Variants in MLIP observed in about 807,000 individuals in gnomAD.
MLIP encodes the protein muscular LMNA-interacting protein.
A neutral mutation model predicts 84.8 loss-of-function variants in MLIP; 79 were observed. The observed-to-expected ratio is 0.93, with a 90% CI of 0.78 to 1.12. The LOEUF (loss-of-function observed/expected upper bound fraction) is 1.12, where lower values mean the gene tolerates loss of function less well. Among genes scored for constraint, MLIP ranks in the 50% most tolerant of loss-of-function variants. MLIP has a pLI of 0.00. For synonymous variants in MLIP, 504 were observed against 463.0 expected (o/e 1.09, Z -1.14); for missense variants, 1,257 against 1,160.6 (o/e 1.08, Z -1.21).
intron 4 of MLIP, among the ~76,000 whole-genome samples, chr6:54,143,387 G>C (rs1444810215): frequency 6.6e-6 from 1 of 152,006 alleles, no homozygotes. Context: ...TGTATTTTTA[G>C]TAGAGACGGG....
At chr6:54,258,840 A>G (rs1188619680) in intron 13 of MLIP, among the ~76,000 whole-genome samples, 1 of 152,012 alleles carries the variant, frequency 6.6e-6, no homozygotes, top group African/African-American at 2.4e-5. Context: ...CCACAATCAG[A>G]AATTGAATCC....
rs778643175 is a variant in MLIP, at chr6:54,083,621, G to A, written c.64-37826G>A. ...TACCTTGGATTTGAATGTTCTGTGAGTTCTATGACATTATTAGTACAATTC... is the reference window on the plus strand; with the variant it reads ...TACCTTGGATTTGAATGTTCTGTGAATTCTATGACATTATTAGTACAATTC... On this transcript the variant is annotated intron_variant, in intron 1 of 12. Transcript: ENST00000274897. 8 of 1,535,972 alleles carry A rather than the reference G, an allele frequency of 5.2e-6. No homozygotes were observed. The South Asian group carries it at 9.5e-5, about 18-fold the overall frequency.
At chr6:54,096,592 A>G (rs1419544353) in intron 1 of MLIP, among the ~76,000 whole-genome samples, 1 of 152,094 alleles carries the variant, frequency 6.6e-6, no homozygotes, top group Admixed American at 6.5e-5. Context: ...AGCACTTCCT[A>G]ATACCAAGTG....
intron 1 of MLIP, among the ~76,000 whole-genome samples, chr6:54,040,448 C>CACTT (rs1764679470): frequency 6.6e-6 from 1 of 152,088 alleles, no homozygotes; most frequent in African/African-American, 2.4e-5. Flanking sequence ...AAAAAGGGAA[C>CACTT]ACTTACACAG....
intron 11 of MLIP, chr6:54,217,341 T>A: frequency 1.0e-6 from 1 of 985,416 alleles, no homozygotes; most frequent in Non-Finnish European, 1.2e-6. Flanking sequence ...CAAAATGCCG[T>A]AAAATGCCCT....
chr6:54,228,051 T>C (rs909784596), intron 11 of MLIP, among the ~76,000 whole-genome samples: 13 of 150,540 alleles, frequency 8.6e-5, no homozygotes, highest in African/African-American at 3.2e-4. Flanking sequence ...GGCGTGGTGG[T>C]GGGCGCCTGT....
At chr6:54,119,589 G>T (rs1307281585) in intron 1 of MLIP, among the ~76,000 whole-genome samples, 1 of 152,122 alleles carries the variant, frequency 6.6e-6, no homozygotes. Flanking sequence ...TATAATTACA[G>T]TTAGATAGAA....
In MLIP at chr6:54,235,932, G is replaced by A. The variant is rs114459180; in HGVS notation, c.2922+5015G>A. 8.4e-3 allele frequency among the ~76,000 whole-genome samples: 1,284 copies of A among 152,160 alleles called. 26 individuals carry two copies. The highest frequency in any genetic ancestry group is 0.028 in the African/African-American group (1,155 of 41,494). ...TACATCCTTTTTTCTTCACTAGCAT[G>A]GCATGTCCTTATCAACTGTAGGTCA... On this transcript the variant is annotated intron_variant, in intron 12 of 13. Transcript: ENST00000502396.
At chr6:54,078,240 A>T (rs1406429304) in intron 1 of MLIP, among the ~76,000 whole-genome samples, 1 of 152,222 alleles carries the variant, frequency 6.6e-6, no homozygotes, top group Non-Finnish European at 1.5e-5. Flanking sequence ...TCACACAGGC[A>T]GTAATAACTT....
chr6:54,226,610 C>CA (rs74362709), intron 11 of MLIP, among the ~76,000 whole-genome samples: 100,389 of 146,538 alleles, frequency 0.69, 36,573 homozygotes, highest in Non-Finnish European at 0.81. Context: ...AAAACCAAAC[C>CA]AAAAAAAAAA....
intron 1 of MLIP, among the ~76,000 whole-genome samples, chr6:54,085,429 G>T (rs1306558803): frequency 6.6e-6 from 1 of 152,154 alleles, no homozygotes; most frequent in African/African-American, 2.4e-5. Flanking sequence ...AAAAGTTTTT[G>T]TGAGGATTCC....
intron 1 of MLIP, among the ~76,000 whole-genome samples, chr6:54,044,169 AAGTATTT>A (rs1241174229): frequency 6.6e-6 from 1 of 152,198 alleles, no homozygotes; most frequent in Non-Finnish European, 1.5e-5. Flanking sequence ...CGGGTCATCT[AAGTATTT>A]AGTCCTTAAA....
At chr6:54,162,813 T>G (rs1244728291) in intron 8 of MLIP, among the ~76,000 whole-genome samples, 1 of 151,904 alleles carries the variant, frequency 6.6e-6, no homozygotes, top group East Asian at 1.9e-4. Flanking sequence ...TCAGAGATAT[T>G]TGAGGGTCAT....
At chr6:54,196,722 C>G (rs575452859) in intron 10 of MLIP, among the ~76,000 whole-genome samples, 1 of 152,040 alleles carries the variant, frequency 6.6e-6, no homozygotes, top group Non-Finnish European at 1.5e-5. Flanking sequence ...TATTGAGCAC[C>G]AACCAGGTAC....
chr6:54,079,696 C>T (rs889448227), intron 1 of MLIP: 21 of 152,224 alleles, frequency 1.4e-4, no homozygotes, highest in Non-Finnish European at 2.8e-4. Flanking sequence ...TGATTCCTTT[C>T]CCCCCACCAT....
chr6:54,253,879 A>C (rs1176099354), intron 12 of MLIP, among the ~76,000 whole-genome samples: 1 of 152,168 alleles, frequency 6.6e-6, no homozygotes, highest in Non-Finnish European at 1.5e-5. Flanking sequence ...TTTTCTATCC[A>C]GGATGAAAAG....
At chr6:54,035,067 C>T (rs918287875) in intron 1 of MLIP, among the ~76,000 whole-genome samples, 1 of 152,086 alleles carries the variant, frequency 6.6e-6, no homozygotes, top group African/African-American at 2.4e-5. Context: ...TACCATATAG[C>T]CCAGATATGG....
chr6:54,097,702 G>A (rs1031003332), intron 1 of MLIP, among the ~76,000 whole-genome samples: 1 of 152,230 alleles, frequency 6.6e-6, no homozygotes, highest in Middle Eastern at 3.4e-3. Flanking sequence ...ATCATCTAAC[G>A]TATGTTGAGG....
intron 12 of MLIP, among the ~76,000 whole-genome samples, chr6:54,245,511 C>G (rs191405252): frequency 4.1e-4 from 63 of 152,214 alleles, no homozygotes; most frequent in African/African-American, 1.4e-3. Context: ...AGTGAATGCG[C>G]AGTAGAAGGA....
Sources: allele counts gnomAD v4.1 joint callset (sites outside exome capture counted in the v4.1 genomes callset), GRCh38; gene constraint gnomAD v4.1.1; transcripts MANE v1.5; gene names NCBI Gene and HGNC (gene_info 2026-07-23, HGNC 2026-07-21).